The following MBOAT1 variants were observed in gnomAD, a reference collection of about 807,000 sequenced individuals.
MBOAT1 encodes membrane-bound glycerophospholipid O-acyltransferase 1.
In MBOAT1, 67 loss-of-function variants were observed where a neutral mutation model predicts 64.4. That is an observed-to-expected ratio of 1.04 (90% CI 0.85 to 1.27). The LOEUF (loss-of-function observed/expected upper bound fraction) is 1.27, where lower values mean the gene tolerates loss of function less well. Ranked by LOEUF, MBOAT1 falls within the 50% of genes most tolerant of loss-of-function variation. The pLI, the probability that MBOAT1 is intolerant of heterozygous loss-of-function variation, is 0.00. For synonymous variants in MBOAT1, 229 were observed against 218.9 expected, an observed-to-expected ratio of 1.05 and a Z score of -0.41; for missense variants, 563 against 604.6, an observed-to-expected ratio of 0.93 and a Z score of 0.72.
chr6:20,141,395 T>C (rs1041341155), intron 4 of MBOAT1, among the ~76,000 whole-genome samples: 2 of 144,652 alleles, frequency 1.4e-5, no homozygotes, highest in African/African-American at 5.1e-5. Context: ...AGGGTCTTGC[T>C]CTGTCACCCA....
intron 4 of MBOAT1, among the ~76,000 whole-genome samples, chr6:20,139,344 T>G (rs941563548): frequency 6.6e-5 from 10 of 152,052 alleles, no homozygotes; most frequent in Non-Finnish European, 1.5e-4. Context: ...GACAGGCTGG[T>G]TTCCATCTCC....
chr6:20,190,700 G>A (rs1212598820), intron 1 of MBOAT1, among the ~76,000 whole-genome samples: 2 of 152,002 alleles, frequency 1.3e-5, no homozygotes, highest in Non-Finnish European at 2.9e-5. Flanking sequence ...AAAGGCCACT[G>A]CTTAAACCAC....
At chr6:20,188,370 G>A (rs932279306) in intron 1 of MBOAT1, among the ~76,000 whole-genome samples, 1 of 152,148 alleles carries the variant, frequency 6.6e-6, no homozygotes, top group Non-Finnish European at 1.5e-5. Context: ...GCTTCCTCCT[G>A]AAGACCCTCA....
At chr6:20,161,378 A>G (rs1761853561) in intron 1 of MBOAT1, among the ~76,000 whole-genome samples, 1 of 152,068 alleles carries the variant, frequency 6.6e-6, no homozygotes, top group African/African-American at 2.4e-5. Flanking sequence ...ATAAGAATAG[A>G]AATAAAGTGC....
chr6:20,114,296 T>C (rs975546864), intron 10 of MBOAT1, among the ~76,000 whole-genome samples: 1 of 152,228 alleles, frequency 6.6e-6, no homozygotes, highest in African/African-American at 2.4e-5. Flanking sequence ...CCTGTATTCA[T>C]TATGATAGGC....
chr6:20,103,602 T>A (rs963645624), intron 12 of MBOAT1, among the ~76,000 whole-genome samples: 7 of 152,104 alleles, frequency 4.6e-5, no homozygotes, highest in African/African-American at 1.4e-4. Flanking sequence ...CAATTTTGTA[T>A]TCTTAGTAGA....
At chr6:20,193,604 CTTT>C (rs367932037) in intron 1 of MBOAT1, among the ~76,000 whole-genome samples, 13 of 129,718 alleles carry the variant, frequency 1.0e-4, no homozygotes, top group Admixed American at 5.5e-4. Flanking sequence ...ACCAAAAATC[CTTT>C]TTTTTTTTTT....
chr6:20,126,886 G>A (rs1166689778), intron 6 of MBOAT1, among the ~76,000 whole-genome samples, 186 bp from the exon 7 acceptor site: 1 of 152,178 alleles, frequency 6.6e-6, no homozygotes, highest in Non-Finnish European at 1.5e-5. Context: ...GAAGCAGGGG[G>A]CTCACAGCAG....
chr6:20,124,215 C>A lies in MBOAT1; in HGVS notation c.907+193G>T, dbSNP rs1760583360. 2.0e-5 allele frequency among the ~76,000 whole-genome samples: 3 copies of A among 152,090 alleles called. No individual in the cohort carries two copies. In the South Asian group the frequency reaches 6.2e-4, roughly 32 times the overall value. On this transcript the variant is annotated intron_variant, in intron 8 of 12. Transcript: ENST00000324607. Reference sequence around the variant, plus strand: ...ACAGCCAGGGTGTTTTTCTCCTTATCATGGAGAACTGAGTTTATGGAGGGT... The same window carrying A: ...ACAGCCAGGGTGTTTTTCTCCTTATAATGGAGAACTGAGTTTATGGAGGGT...
At chr6:20,147,101 C>T in intron 3 of MBOAT1, among the ~76,000 whole-genome samples, 1 of 152,206 alleles carries the variant, frequency 6.6e-6, no homozygotes, top group East Asian at 1.9e-4. Context: ...TTGCCTGCTG[C>T]CATGTAAGAC....
intron 10 of MBOAT1, among the ~76,000 whole-genome samples, 181 bp downstream of exon 10, chr6:20,115,107 C>T (rs1282999249): frequency 6.6e-6 from 1 of 152,084 alleles, no homozygotes; most frequent in Non-Finnish European, 1.5e-5. Flanking sequence ...ATAAATATGC[C>T]ACATTATGGC....
intron 11 of MBOAT1, among the ~76,000 whole-genome samples, chr6:20,112,582 C>G (rs1234673652): frequency 6.6e-6 from 1 of 152,202 alleles, no homozygotes; most frequent in Non-Finnish European, 1.5e-5. Context: ...TGTTCACAGA[C>G]TTTAACAATT....
At chr6:20,143,010 A>G (rs1286472243) in intron 4 of MBOAT1, among the ~76,000 whole-genome samples, 1 of 152,210 alleles carries the variant, frequency 6.6e-6, no homozygotes, top group African/African-American at 2.4e-5. Context: ...GTTGAGTTGC[A>G]CAACTTGCAA....
chr6:20,165,301 C>A (rs1329626661), intron 1 of MBOAT1, among the ~76,000 whole-genome samples: 1 of 152,042 alleles, frequency 6.6e-6, no homozygotes, highest in Non-Finnish European at 1.5e-5. Flanking sequence ...GGATTCAAAA[C>A]TACATGTCCA....
At chr6:20,176,917 T>C (rs1187312723) in intron 1 of MBOAT1, among the ~76,000 whole-genome samples, 1 of 152,094 alleles carries the variant, frequency 6.6e-6, no homozygotes, top group African/African-American at 2.4e-5. Flanking sequence ...AGCCACTACG[T>C]CCAGCCTACT....
In MBOAT1 at chr6:20,102,287, C is replaced by G. The variant is rs1457309125; in HGVS notation, c.1487G>C (p.Ter496SerextTer17). The change falls in exon 13 of 13, where the codon TGA becomes TCA. Residue 496 changes from the stop codon to serine (S), a stop_lost. Transcript: ENST00000324607. ...LNSINKRKTD[*>S] is the part of the protein sequence containing the mutation. ...CTTGTTCCGCTTCTCTTGGAGGTAT[C>G]AATCTGTTTTTCTCTTATTAATAGA... The G allele has an allele frequency of 1.2e-6, 2 of 1,612,752 alleles. No individual in the cohort carries two copies. The highest frequency in any genetic ancestry group is 1.7e-6 in the Non-Finnish European group (2 of 1,179,700).
intron 1 of MBOAT1, among the ~76,000 whole-genome samples, chr6:20,178,282 C>T (rs185687897): frequency 9.9e-5 from 15 of 152,160 alleles, no homozygotes; most frequent in African/African-American, 2.4e-4. Flanking sequence ...CAAGTATAAG[C>T]GGAAGTCACT....
At chr6:20,207,664 A>G (rs1407751304) in intron 1 of MBOAT1, among the ~76,000 whole-genome samples, 1 of 152,252 alleles carries the variant, frequency 6.6e-6, no homozygotes, top group Non-Finnish European at 1.5e-5. Flanking sequence ...TGGGAACTCA[A>G]GCCTTGACTA....
chr6:20,206,846 T>G (rs1240618905), intron 1 of MBOAT1, among the ~76,000 whole-genome samples: 1 of 152,128 alleles, frequency 6.6e-6, no homozygotes, highest in Non-Finnish European at 1.5e-5. Flanking sequence ...ATTTTCATCA[T>G]CACCCAGAAA....
Sources: gnomAD v4.1 joint callset for allele counts (sites outside exome capture counted in the v4.1 genomes callset) on GRCh38, gnomAD v4.1.1 for gene constraint, MANE v1.5 for transcripts, NCBI Gene and HGNC (gene_info 2026-07-23, HGNC 2026-07-21) for gene names.